Variants in MAP4K1 observed in about 807,000 individuals in gnomAD.
The protein encoded by MAP4K1 is mitogen-activated protein kinase kinase kinase kinase 1, also known as MAPK/ERK kinase kinase kinase 1.
A neutral mutation model predicts 122.8 loss-of-function variants in MAP4K1; 35 were observed. The ratio of observed to expected loss-of-function variants is 0.29; its 90% CI spans 0.22 to 0.38. MAP4K1 has a LOEUF of 0.38. Ranked by LOEUF, MAP4K1 falls within the 10% of genes least tolerant of loss-of-function variation. The probability of loss-of-function intolerance (pLI) is 1.00; values close to 1 mark genes in which losing one functional copy is unlikely to be tolerated. For missense variants in MAP4K1, 791 were observed against 1,072.6 expected (o/e 0.74, Z 3.67); for synonymous variants, 412 against 421.3 (o/e 0.98, Z 0.27).
chr19:38,606,975 G>A (rs1014376227), intron 16 of MAP4K1, among the ~76,000 whole-genome samples: 1 of 152,168 alleles, frequency 6.6e-6, no homozygotes, highest in African/African-American at 2.4e-5. Context: ...CTGGGGCTCA[G>A]TATCTGGTCT....
intron 4 of MAP4K1, among the ~76,000 whole-genome samples, chr19:38,615,835 T>C (rs1230855600): frequency 2.0e-5 from 3 of 152,008 alleles, no homozygotes; most frequent in African/African-American, 7.2e-5. Flanking sequence ...TTTTTTGTAT[T>C]TTTAGTAGAG....
Position 38,595,728 on chromosome 19 carries a change from G to C in MAP4K1, c.2181C>G (p.Gly727=). Residue 727 remains glycine, a splice_region_variant and synonymous_variant, in exon 28 of 31, where the codon GGC becomes GGG. Transcript: ENST00000396857. ...EEDMVMVLMD[G]SVKLVTPEGS... is the part of the protein sequence containing the mutation. ...CCTCCGGGGTCACCAGCTTCACAGA[G>C]CCTGGAAGGAGATAGACGGTTTTAA... 6.3e-7 allele frequency: 1 copy of C among 1,596,394 alleles called. No homozygotes were observed. Among genetic ancestry groups the C allele is most frequent in the Non-Finnish European group, 8.5e-7 (1 of 1,171,960 alleles).
chr19:38,614,518 C>A (rs1975591162), intron 4 of MAP4K1, 73 bp from the exon 5 acceptor site: 1 of 1,514,136 alleles, frequency 6.6e-7, no homozygotes, highest in African/African-American at 1.4e-5. Flanking sequence ...GTCCTGCCCC[C>A]CCACACCAGC....
At chr19:38,610,957 G>A (rs927812938) in intron 11 of MAP4K1, 94 bp downstream of exon 11, 33 of 1,134,634 alleles carry the variant, frequency 2.9e-5, no homozygotes, top group South Asian at 1.5e-4. Context: ...GAAAGGCCAC[G>A]GGGACTCCAT....
Position 38,609,691 on chromosome 19 carries a change from C to G in MAP4K1, c.928-17G>C. On this transcript the variant is annotated splice_polypyrimidine_tract_variant and intron_variant, in intron 12 of 30. Transcript: ENST00000396857. ...AGGGGGTAGCTGGGCAGAGGGGCAG[C>G]CACGTCAGGGCTCAAGACCCCCAAG... The G allele has an allele frequency of 6.2e-7, 1 of 1,603,960 alleles. No individual in the cohort carries two copies.
In MAP4K1 at chr19:38,616,186, T is replaced by C; in HGVS notation, c.313+9A>G. 6.2e-7 allele frequency: 1 copy of C among 1,610,428 alleles called. No homozygotes were observed. The highest frequency in any genetic ancestry group is 8.5e-7 in the Non-Finnish European group (1 of 1,178,836). On this transcript the variant is annotated intron_variant, in intron 4 of 30. Transcript: ENST00000396857. ...AGGGGTGCTTGGGTCCCGTTGTCCT[T>C]TCTCTAACCTTGGTAGATGTCCTGG...
In MAP4K1 at chr19:38,597,646, A is replaced by G; in HGVS notation, c.1670-52T>C. The G allele has an allele frequency of 8.0e-7, 1 of 1,251,688 alleles. No homozygotes were observed. The highest frequency in any genetic ancestry group is 1.4e-5 in the South Asian group (1 of 72,274). 77.5% of individuals were successfully genotyped at this position (1,251,688 alleles called of 1,614,324 possible). A position where few individuals can be genotyped will look rare whatever the true frequency, so the allele number is the denominator to read the frequency against. On this transcript the variant is annotated intron_variant, in intron 22 of 30. Coordinates refer to ENST00000396857, the MANE Select transcript of MAP4K1 (RefSeq NM_001042600.3). This position sits in a 1 kb window ranked among gnomAD's most constrained non-coding sequence, Gnocchi z 4.6. ...AGCAGGAAGTTATAGGATCCCATAT[A>G]CCACTTCCTTTCCTCCATCCCTTCC...
chr19:38,611,190 A>C (rs1192539059), intron 10 of MAP4K1, 53 bp downstream of exon 10: 1 of 1,602,240 alleles, frequency 6.2e-7, no homozygotes, highest in South Asian at 1.1e-5. Context: ...CCATCAGGCC[A>C]CCCAGCCCCA....
rs756559886 is a variant in MAP4K1 at position 38,617,868 on chromosome 19, T to G, written c.28A>C (p.Asn10His). MDVVDPDIFNRDPRDHYDLL... is the reference protein window; with the variant it reads MDVVDPDIFHRDPRDHYDLL... The stretch of plus-strand genomic sequence containing the variant: ...TCATAGTGGTCCCGGGGGTCTCTAT[T>G]GAAAATGTCAGGGTCCACGACGTCC... The change falls in exon 1 of 31, where the codon AAT becomes CAT. Residue 10 changes from asparagine (N) to histidine (H), a missense_variant. This residue lies in a region of MAP4K1 where 163 missense variants were observed against 286.1 expected (regional missense o/e 0.57). Coordinates refer to ENST00000396857, the MANE Select transcript of MAP4K1 (RefSeq NM_001042600.3). This position sits in a 1 kb window ranked among gnomAD's most constrained non-coding sequence, Gnocchi z 4.1. 6.2e-7 allele frequency: 1 copy of G among 1,614,036 alleles called. No individual in the cohort carries two copies. Among genetic ancestry groups the G allele is most frequent in the South Asian group, 1.1e-5 (1 of 91,068 alleles).
Position 38,607,916 on chromosome 19 carries a change from A to G in MAP4K1, c.1110-5T>C, listed in dbSNP as rs1296623315. On this transcript the variant is annotated splice_region_variant and splice_polypyrimidine_tract_variant and intron_variant, in intron 15 of 30. Coordinates refer to ENST00000396857, the MANE Select transcript of MAP4K1 (RefSeq NM_001042600.3). ...GACGACTCTGACAGTTGCTTCCTGA[A>G]GGGTGACAGGTATGAGCCTTGGGGG... 6.2e-7 allele frequency: 1 copy of G among 1,612,570 alleles called. No homozygotes were observed. Among genetic ancestry groups the G allele is most frequent in the East Asian group, 2.2e-5 (1 of 44,846 alleles).
chr19:38,607,578 AAAG>A (rs1322088014), intron 16 of MAP4K1, among the ~76,000 whole-genome samples: 38 of 150,668 alleles, frequency 2.5e-4, no homozygotes, highest in Admixed American at 9.3e-4. Flanking sequence ...AAAAAAAAAA[AAAG>A]AAGAAGGTGG....
At chr19:38,607,937 G>T in intron 15 of MAP4K1, 26 bp from the exon 16 acceptor site, 1 of 1,612,134 alleles carries the variant, frequency 6.2e-7, no homozygotes, top group Non-Finnish European at 8.5e-7. Context: ...TATGAGCCTT[G>T]GGGGCCTTGT....
intron 8 of MAP4K1, among the ~76,000 whole-genome samples, chr19:38,613,012 C>G (rs1380825995): frequency 6.6e-6 from 1 of 151,886 alleles, no homozygotes; most frequent in Non-Finnish European, 1.5e-5. Flanking sequence ...GGCAACTTAT[C>G]AAGACCCTAT....
chr19:38,614,654 C>G, intron 4 of MAP4K1: 1 of 605,010 alleles, frequency 1.7e-6, no homozygotes, highest in South Asian at 1.9e-5. Context: ...GGCGCAGTGG[C>G]TCATGCCTAT....
At position 38,593,347 on chromosome 19, in the gene MAP4K1, A is replaced by C; in HGVS notation, c.2341-10T>G. Reference sequence around the variant, plus strand: ...TCAGCTCCTGTAGCAGCTAGGGAAAAAAAGTGTGTGTCTCAGTGCCTGGAA... The same window carrying C: ...TCAGCTCCTGTAGCAGCTAGGGAAACAAAGTGTGTGTCTCAGTGCCTGGAA... On this transcript the variant is annotated splice_polypyrimidine_tract_variant and intron_variant, in intron 29 of 30. Transcript: ENST00000396857. 4 of 1,606,026 alleles carry C rather than the reference A, an allele frequency of 2.5e-6. No individual in the cohort carries two copies. Among genetic ancestry groups the C allele is most frequent in the Non-Finnish European group, 3.4e-6 (4 of 1,176,040 alleles).
At chr19:38,596,940 TG>T in intron 25 of MAP4K1, 93 bp downstream of exon 25, 1 of 1,203,694 alleles carries the variant, frequency 8.3e-7, no homozygotes, top group Non-Finnish European at 1.2e-6. Context: ...TCGACGGAGG[TG>T]GGGCTTCATG....
chr19:38,594,956 TTTATC>T (rs1974825991), intron 29 of MAP4K1, among the ~76,000 whole-genome samples: 2 of 84,698 alleles, frequency 2.4e-5, no homozygotes, highest in South Asian at 4.3e-4. Context: ...ATAAATAAAT[TTTATC>T]TATCTATCTA....
At chr19:38,600,393 A>G (rs1978443) in intron 20 of MAP4K1, among the ~76,000 whole-genome samples, 34,868 of 151,876 alleles carry the variant, frequency 0.23, 5,043 homozygotes, top group East Asian at 0.39. Context: ...TTCTCTGCCC[A>G]ACTGTCTTCT....
intron 19 of MAP4K1, 57 bp from the exon 20 acceptor site, chr19:38,601,582 G>A: frequency 7.4e-7 from 1 of 1,349,358 alleles, no homozygotes. Flanking sequence ...CAGGGAACAG[G>A]AAGGGGCAGT....
Sources: gnomAD v4.1 joint callset for allele counts (sites outside exome capture counted in the v4.1 genomes callset) on GRCh38, gnomAD v4.1.1 for gene constraint, gnomAD v4.1.1 regional missense constraint, Gnocchi (gnomAD v3.1) non-coding constraint, MANE v1.5 for transcripts, NCBI Gene and HGNC (gene_info 2026-07-23, HGNC 2026-07-21) for gene names.